SH3GL3: variants seen among roughly 807,000 people sequenced by gnomAD.
SH3GL3 encodes SH3 domain containing GRB2 like 3, endophilin A3.
SH3GL3 carries 33 observed loss-of-function variants against 47.7 expected under a neutral mutation model. The observed-to-expected ratio is 0.69, with a 90% confidence interval of 0.52 to 0.92. The LOEUF is 0.92. Ranked by LOEUF, SH3GL3 falls within the 40% of genes least tolerant of loss-of-function variation. The pLI is 0.00. For synonymous variants in SH3GL3, 155 were observed against 148.8 expected, an observed-to-expected ratio of 1.04 and a Z score of -0.30; for missense variants, 363 against 417.8, an observed-to-expected ratio of 0.87 and a Z score of 1.14.
chr15:83,477,156 A>G (rs1301406583), intron 1 of SH3GL3, among the ~76,000 whole-genome samples: 1 of 152,118 alleles, frequency 6.6e-6, no homozygotes, highest in African/African-American at 2.4e-5. Context: ...GGGGACTCTC[A>G]TTTACTTGGA....
chr15:83,510,858 G>A (rs918165839), intron 1 of SH3GL3, among the ~76,000 whole-genome samples: 7 of 151,708 alleles, frequency 4.6e-5, no homozygotes, highest in Non-Finnish European at 7.4e-5. Flanking sequence ...CATATCCACC[G>A]CCAAGCAGGG....
intron 1 of SH3GL3, among the ~76,000 whole-genome samples, chr15:83,526,667 G>A (rs952778424): frequency 6.6e-6 from 1 of 152,142 alleles, no homozygotes; most frequent in African/African-American, 2.4e-5. Flanking sequence ...CTTCCAGAGG[G>A]TGGAGGGTTG....
intron 1 of SH3GL3, among the ~76,000 whole-genome samples, chr15:83,489,880 T>C (rs1199194510): frequency 6.6e-6 from 1 of 151,334 alleles, no homozygotes; most frequent in African/African-American, 2.4e-5. Context: ...GATAGATAGA[T>C]AGATAGATAA....
chr15:83,483,379 T>C (rs2041456434), intron 1 of SH3GL3, among the ~76,000 whole-genome samples: 1 of 152,230 alleles, frequency 6.6e-6, no homozygotes, highest in Admixed American at 6.5e-5. Flanking sequence ...CTACTGAGCA[T>C]TTGAAATGTG....
chr15:83,475,372 G>A (rs1407255377), intron 1 of SH3GL3, among the ~76,000 whole-genome samples: 8 of 151,940 alleles, frequency 5.3e-5, no homozygotes, highest in East Asian at 1.9e-4. Context: ...CCAGCTACTC[G>A]GGAGGCCGAG....
At chr15:83,558,001 A>G (rs527913375) in intron 1 of SH3GL3, among the ~76,000 whole-genome samples, 1 of 152,362 alleles carries the variant, frequency 6.6e-6, no homozygotes, top group African/African-American at 2.4e-5. Context: ...CCTATTAAAT[A>G]GTAATACCGC....
chr15:83,493,561 C>A (rs955471246), intron 1 of SH3GL3, among the ~76,000 whole-genome samples: 1 of 152,182 alleles, frequency 6.6e-6, no homozygotes, highest in Non-Finnish European at 1.5e-5. Flanking sequence ...GTGGCCTTCA[C>A]CTCCTCCATT....
intron 1 of SH3GL3, among the ~76,000 whole-genome samples, chr15:83,538,156 A>G (rs181567101): frequency 6.6e-6 from 1 of 152,234 alleles, no homozygotes; most frequent in Non-Finnish European, 1.5e-5. Context: ...TAGACTCTGT[A>G]TGGCTTTGTT....
At chr15:83,616,167 A>G (rs1013334620) in intron 8 of SH3GL3, among the ~76,000 whole-genome samples, 1 of 152,012 alleles carries the variant, frequency 6.6e-6, no homozygotes, top group Admixed American at 6.6e-5. Flanking sequence ...ACTTCTAAAC[A>G]TCTTAAGAAA....
chr15:83,546,009 AG>A (rs775225968), intron 1 of SH3GL3, among the ~76,000 whole-genome samples: 2 of 152,134 alleles, frequency 1.3e-5, no homozygotes, highest in Non-Finnish European at 2.9e-5. Context: ...GTCTTGCCCA[AG>A]ATGTATTACA....
At chr15:83,596,950 TCTTA>T in intron 8 of SH3GL3, among the ~76,000 whole-genome samples, 1 of 152,286 alleles carries the variant, frequency 6.6e-6, no homozygotes, top group East Asian at 1.9e-4. Context: ...CATTTCACCT[TCTTA>T]CTTTATTCTT....
intron 8 of SH3GL3, among the ~76,000 whole-genome samples, chr15:83,599,428 A>G (rs533349819): frequency 1.3e-5 from 2 of 152,294 alleles, no homozygotes; most frequent in African/African-American, 4.8e-5. Flanking sequence ...GCTCCCACTT[A>G]TGGGTGAGAA....
intron 1 of SH3GL3, among the ~76,000 whole-genome samples, chr15:83,487,155 G>A (rs949814668): frequency 6.6e-6 from 1 of 150,546 alleles, no homozygotes. Context: ...GAATTGCTGG[G>A]TTATTCTTAA....
At chr15:83,465,802 T>A (rs1045180291) in intron 1 of SH3GL3, among the ~76,000 whole-genome samples, 9 of 152,242 alleles carry the variant, frequency 5.9e-5, no homozygotes, top group African/African-American at 2.2e-4. Context: ...CTTTATTCTA[T>A]GTGCTTTTAA....
chr15:83,586,792 T>C (rs111734760), intron 6 of SH3GL3, among the ~76,000 whole-genome samples, 191 bp from the exon 7 acceptor site: 9 of 152,226 alleles, frequency 5.9e-5, no homozygotes, highest in African/African-American at 1.9e-4. Flanking sequence ...AACATGTTTT[T>C]CCAGCATTTA....
At position 83,447,447 on chromosome 15, in the gene SH3GL3, G is replaced by C. The variant is rs2151479067; in HGVS notation, c.-87G>C. ...GCGGAGCCCAGCCGCGGGGGGACCG[G>C]CCCGGGCTCCCGCTCCCCGAGCGCG... On this transcript the variant is annotated 5_prime_UTR_variant, in exon 1 of 9. Transcript: ENST00000427482. The surrounding 1 kb of genome is among the most constrained non-coding windows in gnomAD (Gnocchi z 5.1). The C allele has an allele frequency of 8.2e-7, 1 of 1,215,502 alleles. No individual in the cohort carries two copies. The highest frequency in any genetic ancestry group is 3.3e-5 in the East Asian group (1 of 30,014). The allele number at this position is 1,215,502 out of a possible 1,614,324, so 75.3% of individuals were successfully genotyped here.
chr15:83,579,249 T>C (rs1340465508), intron 6 of SH3GL3, among the ~76,000 whole-genome samples: 1 of 152,218 alleles, frequency 6.6e-6, no homozygotes, highest in Non-Finnish European at 1.5e-5. Flanking sequence ...GGGGCTCTGG[T>C]GCTGGCCTTG....
At chr15:83,538,998 C>A (rs1229611271) in intron 1 of SH3GL3, among the ~76,000 whole-genome samples, 1 of 152,152 alleles carries the variant, frequency 6.6e-6, no homozygotes, top group East Asian at 1.9e-4. Context: ...GTTCCAGTTG[C>A]ACCATTAATC....
intron 1 of SH3GL3, among the ~76,000 whole-genome samples, chr15:83,462,466 G>A (rs1325568009): frequency 1.3e-5 from 2 of 152,096 alleles, no homozygotes; most frequent in African/African-American, 2.4e-5. Flanking sequence ...TTGTACTAGT[G>A]GGCCCTTTTA....
Sources: allele counts gnomAD v4.1 joint callset (sites outside exome capture counted in the v4.1 genomes callset), GRCh38; gene constraint gnomAD v4.1.1; non-coding constraint Gnocchi (gnomAD v3.1); transcripts MANE v1.5; gene names NCBI Gene and HGNC (gene_info 2026-07-23, HGNC 2026-07-21).